CASR: variants seen among roughly 807,000 people sequenced by gnomAD.
CASR encodes the protein extracellular calcium-sensing receptor.
CASR carries 23 observed loss-of-function variants against 69.1 expected under a neutral mutation model. The observed-to-expected ratio is 0.33, with a 90% CI of 0.24 to 0.47. CASR has a LOEUF of 0.47. CASR is among the 20% of genes least tolerant of loss of function. The pLI is 1.00. For missense variants in CASR, 924 were observed against 1,356.1 expected (o/e 0.68, Z 5.00); for synonymous variants, 541 against 544.7 (o/e 0.99, Z 0.10).
chr3:122,230,836 C>A (rs2074271734), intron 1 of CASR, among the ~76,000 whole-genome samples: 1 of 152,212 alleles, frequency 6.6e-6, no homozygotes, highest in Non-Finnish European at 1.5e-5. Context: ...CTGGCCCCTT[C>A]TACTTCTCTG....
intron 1 of CASR, among the ~76,000 whole-genome samples, chr3:122,199,221 T>C (rs1018758937): frequency 6.6e-6 from 1 of 152,246 alleles, no homozygotes; most frequent in African/African-American, 2.4e-5. Context: ...CACAGCTGAA[T>C]ACAGCAAGCT....
chr3:122,231,121 G>A (rs931575225), intron 1 of CASR, among the ~76,000 whole-genome samples: 4 of 152,126 alleles, frequency 2.6e-5, no homozygotes, highest in African/African-American at 9.7e-5. Flanking sequence ...TCCCCTTGTA[G>A]AAGTGAGAAG....
chr3:122,271,838 A>G (rs992472677), intron 4 of CASR, among the ~76,000 whole-genome samples: 5 of 152,208 alleles, frequency 3.3e-5, no homozygotes, highest in Non-Finnish European at 2.9e-5. Flanking sequence ...GATATTTCAT[A>G]TAAATAAAAT....
chr3:122,222,471 T>A (rs1354160), intron 1 of CASR, among the ~76,000 whole-genome samples: 150,810 of 152,326 alleles, frequency 0.99, 74,671 homozygotes, highest in Non-Finnish European at 1. Context: ...AACAACAATC[T>A]AAAAGGTCAA....
intron 1 of CASR, among the ~76,000 whole-genome samples, chr3:122,202,161 A>G (rs1191748611): frequency 6.6e-6 from 1 of 152,220 alleles, no homozygotes; most frequent in Non-Finnish European, 1.5e-5. Flanking sequence ...CTCCGTCTGC[A>G]ATCCCGGCAC....
chr3:122,269,421 G>A (rs1321562877), intron 4 of CASR, among the ~76,000 whole-genome samples: 1 of 152,164 alleles, frequency 6.6e-6, no homozygotes, highest in African/African-American at 2.4e-5. Flanking sequence ...GCTTTTATCA[G>A]GAATGGAGGT....
intron 4 of CASR, among the ~76,000 whole-genome samples, chr3:122,269,541 A>G (rs887254448): frequency 6.6e-6 from 1 of 152,208 alleles, no homozygotes; most frequent in Non-Finnish European, 1.5e-5. Context: ...CCTGGGATTA[A>G]TCCTACTTGG....
At chr3:122,235,664 G>A (rs920461297) in intron 1 of CASR, among the ~76,000 whole-genome samples, 1 of 152,152 alleles carries the variant, frequency 6.6e-6, no homozygotes, top group African/African-American at 2.4e-5. Context: ...TGGGGTAGTG[G>A]CATGTTCCTA....
chr3:122,212,257 A>G (rs2074075622), intron 1 of CASR, among the ~76,000 whole-genome samples: 1 of 152,222 alleles, frequency 6.6e-6, no homozygotes, highest in Admixed American at 6.5e-5. Flanking sequence ...TGTCCTTTGC[A>G]GGGACATGGA....
chr3:122,191,213 A>G (rs2073836095), intron 1 of CASR, among the ~76,000 whole-genome samples: 1 of 152,238 alleles, frequency 6.6e-6, no homozygotes, highest in Non-Finnish European at 1.5e-5. Flanking sequence ...AGAATGAGGA[A>G]GTTCTTTCTA....
At chr3:122,274,482 C>T (rs2074792988) in intron 4 of CASR, among the ~76,000 whole-genome samples, 1 of 152,196 alleles carries the variant, frequency 6.6e-6, no homozygotes, top group South Asian at 2.1e-4. Flanking sequence ...GCTCAGTCCA[C>T]GTGTTTGTCA....
At chr3:122,247,621 T>C (rs766229612) in intron 1 of CASR, 1 of 152,216 alleles carries the variant, frequency 6.6e-6, no homozygotes, top group Non-Finnish European at 1.5e-5. Flanking sequence ...CTCAGTCCTA[T>C]GTGGACACAG....
At chr3:122,242,045 C>T (rs1377445934) in intron 1 of CASR, among the ~76,000 whole-genome samples, 1 of 151,916 alleles carries the variant, frequency 6.6e-6, no homozygotes, top group African/African-American at 2.4e-5. Flanking sequence ...TAATAAAAGC[C>T]ATATAAAACA....
intron 1 of CASR, among the ~76,000 whole-genome samples, chr3:122,226,787 A>G (rs139091441): frequency 5.5e-4 from 84 of 151,982 alleles, no homozygotes; most frequent in East Asian, 1.6e-3. Context: ...GCTAGACATA[A>G]AGATTCTCCA....
intron 1 of CASR, among the ~76,000 whole-genome samples, chr3:122,185,663 A>G (rs1238083788): frequency 6.6e-6 from 1 of 152,200 alleles, no homozygotes; most frequent in African/African-American, 2.4e-5. Context: ...ACAGAACTTC[A>G]TCAGTCACAC....
At chr3:122,213,795 T>C (rs910018194) in intron 1 of CASR, among the ~76,000 whole-genome samples, 3 of 152,228 alleles carry the variant, frequency 2.0e-5, no homozygotes, top group Non-Finnish European at 2.9e-5. Context: ...TCAGTGACCA[T>C]GGCAAAGAGA....
At chr3:122,273,850 G>T (rs752729571) in intron 4 of CASR, among the ~76,000 whole-genome samples, 4 of 152,194 alleles carry the variant, frequency 2.6e-5, no homozygotes, top group Non-Finnish European at 5.9e-5. Flanking sequence ...GTCAGGAAAA[G>T]GATGTGTTGG....
At chr3:122,275,427 C>A (rs1576869823) in intron 4 of CASR, among the ~76,000 whole-genome samples, 1 of 152,326 alleles carries the variant, frequency 6.6e-6, no homozygotes, top group Non-Finnish European at 1.5e-5. Context: ...TTCCCCAATG[C>A]CCAGCTCAGA....
intron 3 of CASR, among the ~76,000 whole-genome samples, chr3:122,258,466 GT>G (rs1308547798): frequency 2.0e-5 from 3 of 148,722 alleles, no homozygotes; most frequent in Non-Finnish European, 4.4e-5. Context: ...AATTAAAGGT[GT>G]TTCCCATGGG....
Sources: allele counts gnomAD v4.1 joint callset (sites outside exome capture counted in the v4.1 genomes callset), GRCh38; gene constraint gnomAD v4.1.1; transcripts MANE v1.5; gene names NCBI Gene and HGNC (gene_info 2026-07-23, HGNC 2026-07-21).